The following TRIM16 variants were observed in gnomAD, a reference collection of about 807,000 sequenced individuals.
The protein encoded by TRIM16 is tripartite motif-containing protein 16.
In TRIM16, 33 loss-of-function variants were observed where a neutral mutation model predicts 50.4. The observed-to-expected ratio is 0.65, with a 90% CI of 0.50 to 0.88. The LOEUF is 0.88. Among genes scored for constraint, TRIM16 ranks in the 40% least tolerant of loss-of-function variants. The probability of loss-of-function intolerance (pLI) is 0.00; values close to 1 mark genes in which losing one functional copy is unlikely to be tolerated. For missense variants in TRIM16, 581 were observed against 686.8 expected (o/e 0.85, Z 1.72); for synonymous variants, 229 against 270.7 (o/e 0.85, Z 1.51).
chr17:15,631,606 G>T lies in TRIM16; in HGVS notation c.1111+13C>A. On this transcript the variant is annotated intron_variant, in intron 11 of 11. Coordinates refer to ENST00000649191, the MANE Select transcript of TRIM16 (RefSeq NM_001348119.1). ...ATCAACAACTGGAGAAGCGGGTGCCGTTCACAACTTACATTGGAGGAACTG... is the reference window on the plus strand; with the variant it reads ...ATCAACAACTGGAGAAGCGGGTGCCTTTCACAACTTACATTGGAGGAACTG... 1.2e-6 allele frequency: 2 copies of T among 1,613,790 alleles called. No individual in the cohort carries two copies. Among genetic ancestry groups the T allele is most frequent in the Non-Finnish European group, 1.7e-6 (2 of 1,179,714 alleles).
At chr17:15,664,761 G>A (rs1024186545) in intron 6 of TRIM16, among the ~76,000 whole-genome samples, 5 of 151,830 alleles carry the variant, frequency 3.3e-5, no homozygotes, top group Admixed American at 3.3e-4. Flanking sequence ...CAGGCCGGGC[G>A]CGGTGGCTCA....
chr17:15,661,923 A>G (rs1159322628), intron 6 of TRIM16, among the ~76,000 whole-genome samples: 1 of 152,178 alleles, frequency 6.6e-6, no homozygotes, highest in Non-Finnish European at 1.5e-5. Flanking sequence ...GTGCCCCACA[A>G]GTGAACTACA....
rs1020901149 is a variant in TRIM16 at position 15,639,291 on chromosome 17, C to T, written c.616-3022G>A. On this transcript the variant is annotated intron_variant, in intron 8 of 11. Transcript: ENST00000649191. ...AAACTCCTGGCCTCAAGCAATCTGC[C>T]GTCCTTGGCCTCCCAAAGTGCTGGG... Among the ~76,000 whole-genome samples, 55 of 146,746 alleles carry T rather than the reference C, an allele frequency of 3.7e-4. 1 individual carries two copies. The highest frequency in any genetic ancestry group is 1.2e-3 in the African/African-American group (47 of 39,276).
At chr17:15,665,102 G>A (rs955760105) in intron 6 of TRIM16, among the ~76,000 whole-genome samples, 9 of 150,792 alleles carry the variant, frequency 6.0e-5, no homozygotes, top group Non-Finnish European at 2.9e-5. Flanking sequence ...AACAGGGTGT[G>A]TTTGCTTCTG....
intron 8 of TRIM16, 147 bp downstream of exon 8, chr17:15,642,574 C>T: frequency 8.6e-7 from 1 of 1,168,392 alleles, no homozygotes; most frequent in South Asian, 1.5e-5. Flanking sequence ...ATCCTGACAT[C>T]AAGGTGAGGC....
In TRIM16 at chr17:15,651,218, C is replaced by G; in HGVS notation, c.392G>C (p.Cys131Ser). ...EPVKDHNWRYCPAHHSPLSAF... is the reference protein window; with the variant it reads ...EPVKDHNWRYSPAHHSPLSAF... ...AGACAGTGGGCTGTGGTGGGCAGGG[C>G]AGTATCGCCAGTTGTGGTCCTTCAC... The change falls in exon 7 of 12, where the codon TGC becomes TCC. Residue 131 changes from cysteine (C) to serine (S), a missense_variant. Cys to Ser is a moderately radical substitution (Grantham distance 112, BLOSUM62 -1). Transcript: ENST00000649191. 1 of 1,614,224 alleles carries G rather than the reference C, an allele frequency of 6.2e-7. No individual in the cohort carries two copies. The highest frequency in any genetic ancestry group is 8.5e-7 in the Non-Finnish European group (1 of 1,180,044).
chr17:15,682,817 A>G (rs982733618), intron 3 of TRIM16, 37 bp downstream of exon 3: 6 of 1,395,438 alleles, frequency 4.3e-6, no homozygotes, highest in Non-Finnish European at 5.6e-6. Context: ...TTAAAAGGGA[A>G]TATTAGTAAA....
chr17:15,664,128 C>T (rs1366204685), intron 6 of TRIM16, among the ~76,000 whole-genome samples: 3 of 152,136 alleles, frequency 2.0e-5, no homozygotes, highest in Non-Finnish European at 2.9e-5. Context: ...GGATTTCATA[C>T]ATTGATACTT....
At chr17:15,678,176 G>A (rs1410638331) in intron 4 of TRIM16, among the ~76,000 whole-genome samples, 1 of 150,858 alleles carries the variant, frequency 6.6e-6, no homozygotes, top group Admixed American at 6.6e-5. Context: ...CCGAGATCAC[G>A]CCATTGCACT....
intron 6 of TRIM16, among the ~76,000 whole-genome samples, chr17:15,654,015 G>A (rs1400589672): frequency 1.3e-5 from 2 of 152,132 alleles, no homozygotes; most frequent in Admixed American, 1.3e-4. Flanking sequence ...TGGAGGGGGA[G>A]GGGTCAGATC....
intron 6 of TRIM16, among the ~76,000 whole-genome samples, chr17:15,666,623 T>C (rs1187065305): frequency 6.6e-6 from 1 of 152,252 alleles, no homozygotes; most frequent in Non-Finnish European, 1.5e-5. Flanking sequence ...CATTATAAAT[T>C]AGTTTTGCTT....
At chr17:15,635,966 A>G in intron 9 of TRIM16, 70 bp downstream of exon 9, 1 of 1,536,904 alleles carries the variant, frequency 6.5e-7, no homozygotes, top group African/African-American at 1.4e-5. Flanking sequence ...ACAGATGGCC[A>G]TGGGCCTAGC....
chr17:15,649,042 T>C (rs1370160840), intron 7 of TRIM16, among the ~76,000 whole-genome samples: 2 of 151,450 alleles, frequency 1.3e-5, no homozygotes, highest in African/African-American at 4.9e-5. Flanking sequence ...GAATTCAGAG[T>C]TCTGCGCGTG....
At chr17:15,671,766 C>T (rs1428088246) in intron 6 of TRIM16, among the ~76,000 whole-genome samples, 1 of 151,954 alleles carries the variant, frequency 6.6e-6, no homozygotes, top group East Asian at 1.9e-4. Context: ...AGTATCAAAC[C>T]AAAATTGTCA....
At chr17:15,655,718 G>A (rs774516156) in intron 6 of TRIM16, among the ~76,000 whole-genome samples, 6 of 151,974 alleles carry the variant, frequency 3.9e-5, no homozygotes, top group African/African-American at 7.3e-5. Flanking sequence ...GGGACTACAC[G>A]CACCCACCAC....
intron 8 of TRIM16, among the ~76,000 whole-genome samples, chr17:15,639,512 G>A (rs919546347): frequency 5.4e-5 from 8 of 148,294 alleles, no homozygotes; most frequent in African/African-American, 2.0e-4. Flanking sequence ...ACCAAGAAAA[G>A]CTTTTAGACA....
chr17:15,657,501 T>C (rs1055703826), intron 6 of TRIM16, among the ~76,000 whole-genome samples: 8 of 152,228 alleles, frequency 5.3e-5, no homozygotes, highest in Non-Finnish European at 1.2e-4. Context: ...CTTTTCATCT[T>C]GCAAAACTGA....
At chr17:15,631,486 A>G in intron 11 of TRIM16, 133 bp downstream of exon 11, 1 of 773,298 alleles carries the variant, frequency 1.3e-6, no homozygotes, top group East Asian at 2.9e-5. Context: ...ATTAAATTTT[A>G]AGAAATGTAT....
chr17:15,639,529 G>C (rs569812675), intron 8 of TRIM16, among the ~76,000 whole-genome samples: 1 of 148,336 alleles, frequency 6.7e-6, no homozygotes, highest in Non-Finnish European at 1.5e-5. Context: ...GACAGGTGAC[G>C]GTGTTGAGAA....
Sources: gnomAD v4.1 joint callset for allele counts (sites outside exome capture counted in the v4.1 genomes callset) on GRCh38, gnomAD v4.1.1 for gene constraint, MANE v1.5 for transcripts, NCBI Gene and HGNC (gene_info 2026-07-23, HGNC 2026-07-21) for gene names.